PCDH15: variants seen among roughly 807,000 people sequenced by gnomAD.
PCDH15 encodes the protein protocadherin-15.
In PCDH15, 129 loss-of-function variants were observed where a neutral mutation model predicts 178.5. That is an observed-to-expected ratio of 0.72 (90% CI 0.63 to 0.84). The LOEUF is 0.84. PCDH15 is among the 40% of genes least tolerant of loss of function. The pLI, the probability that PCDH15 is intolerant of heterozygous loss-of-function variation, is 0.00. For missense variants in PCDH15, 2,230 were observed against 2,099.9 expected (o/e 1.06, Z -1.21); for synonymous variants, 800 against 732.0 (o/e 1.09, Z -1.50).
At chr10:54,009,056 A>G (rs2092480871) in intron 20 of PCDH15, among the ~76,000 whole-genome samples, 1 of 152,156 alleles carries the variant, frequency 6.6e-6, no homozygotes, top group African/African-American at 2.4e-5. Context: ...CAGGCAATCC[A>G]TAATTTTGTC....
intron 7 of PCDH15, among the ~76,000 whole-genome samples, chr10:54,320,745 T>A (rs1378698754): frequency 6.6e-6 from 1 of 151,944 alleles, no homozygotes; most frequent in Admixed American, 6.6e-5. Context: ...CAGATTCCAA[T>A]ACACTGCTTC....
rs1348697725 is a variant in PCDH15, at chr10:55,157,133, CTAT to C, written c.-80+9440_-80+9442del. On this transcript the variant is annotated intron_variant, in intron 2 of 5. Transcript: ENST00000458638. ...AGGCAGTCATTCTATCTATATCTAT[CTAT>C]CTATCTATATAAAATCATTAAAAAC... Among the ~76,000 whole-genome samples the C allele has an allele frequency of 5.9e-5, 9 of 152,170 alleles. 1 individual carries two copies. In the East Asian group the frequency reaches 1.7e-3, roughly 29 times the overall value.
intron 2 of PCDH15, among the ~76,000 whole-genome samples, chr10:54,911,754 G>T (rs1954822468): frequency 6.6e-6 from 1 of 152,146 alleles, no homozygotes. Context: ...CTGGTTGGTT[G>T]ATAAGTGTCT....
At chr10:54,140,403 G>T (rs763809957) in intron 14 of PCDH15, among the ~76,000 whole-genome samples, 1 of 151,630 alleles carries the variant, frequency 6.6e-6, no homozygotes, top group Non-Finnish European at 1.5e-5. Context: ...TTTGGCTCTG[G>T]GTAACACTGT....
rs1554845542 is a variant in PCDH15, at chr10:53,888,702, T to TATATATATATATATATAAA, written c.3501+14540_3501+14541insTTTATATATATATATATAT. On this transcript the variant is annotated intron_variant, in intron 26 of 37. Transcript: ENST00000644397. ...ATATATATATATATATATATATATATATCTCCTGTGGAAATTGATAAGCTG... is the reference window on the plus strand; with the variant it reads ...ATATATATATATATATATATATATATATATATATATATATATAAAATCTCCTGTGGAAATTGATAAGCTG... Among the ~76,000 whole-genome samples the TATATATATATATATATAAA allele has an allele frequency of 6.5e-5, 3 of 46,190 alleles. 1 individual carries two copies. The highest frequency in any genetic ancestry group is 8.8e-4 in the Admixed American group (2 of 2,260). 30.3% of individuals were successfully genotyped at this position (46,190 alleles called of 152,430 possible). A position where few individuals can be genotyped will look rare whatever the true frequency, so the allele number is the denominator to read the frequency against.
intron 13 of PCDH15, among the ~76,000 whole-genome samples, chr10:54,170,760 C>G (rs897393176): frequency 1.8e-4 from 28 of 152,174 alleles, no homozygotes; most frequent in African/African-American, 6.3e-4. Flanking sequence ...TCCACCAGGC[C>G]TAATCCCCAC....
intron 6 of PCDH15, among the ~76,000 whole-genome samples, chr10:54,333,328 T>C (rs1940272962): frequency 6.6e-6 from 1 of 152,144 alleles, no homozygotes; most frequent in Non-Finnish European, 1.5e-5. Context: ...TTCTGAAATG[T>C]TGCATATTGA....
chr10:54,036,507 T>A (rs2093420069), intron 18 of PCDH15, among the ~76,000 whole-genome samples: 1 of 151,884 alleles, frequency 6.6e-6, no homozygotes, highest in Admixed American at 6.6e-5. Flanking sequence ...AGCATATATT[T>A]ATGGAAGCAT....
intron 8 of PCDH15, among the ~76,000 whole-genome samples, chr10:54,280,754 A>T (rs1180029628): frequency 6.6e-6 from 1 of 151,674 alleles, no homozygotes; most frequent in Non-Finnish European, 1.5e-5. Context: ...GTTCCTACTC[A>T]AAAGAGATCT....
intron 2 of PCDH15, among the ~76,000 whole-genome samples, chr10:55,163,852 T>C (rs984452406): frequency 1.3e-4 from 20 of 152,122 alleles, no homozygotes; most frequent in African/African-American, 4.8e-4. Context: ...CCTGGAACAC[T>C]CATGAGTAAT....
intron 4 of PCDH15, among the ~76,000 whole-genome samples, chr10:54,372,249 T>A (rs1394087878): frequency 2.0e-5 from 3 of 151,694 alleles, no homozygotes; most frequent in Non-Finnish European, 4.4e-5. Flanking sequence ...CTACTTGGAG[T>A]GGTACCACTG....
At chr10:54,988,505 G>A (rs1446331430) in intron 2 of PCDH15, among the ~76,000 whole-genome samples, 1 of 152,176 alleles carries the variant, frequency 6.6e-6, no homozygotes, top group Non-Finnish European at 1.5e-5. Flanking sequence ...TAAAGCCCAG[G>A]CTGAGGTGGT....
intron 1 of PCDH15, among the ~76,000 whole-genome samples, chr10:54,713,170 G>T (rs2095443277): frequency 6.6e-6 from 1 of 151,782 alleles, no homozygotes; most frequent in African/African-American, 2.4e-5. Context: ...TTTGGCATGT[G>T]TTCATAGATG....
At chr10:54,203,467 CAGAT>C in intron 10 of PCDH15, among the ~76,000 whole-genome samples, 2 of 152,116 alleles carry the variant, frequency 1.3e-5, no homozygotes, top group Middle Eastern at 3.4e-3. Context: ...AAAGGAACCT[CAGAT>C]TGAGAAAAAA....
At chr10:55,103,478 A>G (rs1842616881) in intron 2 of PCDH15, among the ~76,000 whole-genome samples, 1 of 152,044 alleles carries the variant, frequency 6.6e-6, no homozygotes, top group African/African-American at 2.4e-5. Flanking sequence ...TTATATCCAC[A>G]ATCTCTTTCA....
chr10:55,445,863 GAA>G (rs143334559), intron 2 of PCDH15, among the ~76,000 whole-genome samples: 1,744 of 152,110 alleles, frequency 0.011, 36 homozygotes, highest in African/African-American at 0.04. Context: ...TGTACCTTAA[GAA>G]AAGACTCAAA....
chr10:54,014,069 G>A (rs2092670041), intron 20 of PCDH15, among the ~76,000 whole-genome samples: 1 of 151,528 alleles, frequency 6.6e-6, no homozygotes, highest in Admixed American at 6.6e-5. Flanking sequence ...AGAAATGACT[G>A]ACTGAATGAA....
chr10:55,373,742 A>G (rs1396978083), intron 2 of PCDH15, among the ~76,000 whole-genome samples: 1 of 152,076 alleles, frequency 6.6e-6, no homozygotes, highest in Non-Finnish European at 1.5e-5. Context: ...GCTTTGGTCC[A>G]TGCCTATGTC....
intron 26 of PCDH15, among the ~76,000 whole-genome samples, chr10:53,899,181 T>C (rs1261338605): frequency 1.3e-5 from 2 of 151,680 alleles, no homozygotes; most frequent in Non-Finnish European, 2.9e-5. Context: ...GTGGCTTCTG[T>C]AAGGGTAGAG....
Sources: allele counts gnomAD v4.1 joint callset (sites outside exome capture counted in the v4.1 genomes callset), GRCh38; gene constraint gnomAD v4.1.1; transcripts MANE v1.5; gene names NCBI Gene and HGNC (gene_info 2026-07-23, HGNC 2026-07-21).